CADM2: variants seen among roughly 807,000 people sequenced by gnomAD.
The protein encoded by CADM2 is immunoglobulin superfamily member 4D.
In CADM2, 12 loss-of-function variants were observed where a neutral mutation model predicts 49.8. The observed-to-expected ratio is 0.24, with a 90% CI of 0.15 to 0.39. CADM2 has a LOEUF of 0.39. Among genes scored for constraint, CADM2 ranks in the 10% least tolerant of loss-of-function variants. The pLI, the probability that CADM2 is intolerant of heterozygous loss-of-function variation, is 1.00. For synonymous variants in CADM2, 214 were observed against 175.4 expected, an observed-to-expected ratio of 1.22 and a Z score of -1.74; for missense variants, 378 against 492.3, an observed-to-expected ratio of 0.77 and a Z score of 2.20.
At chr3:85,230,430 T>G (rs1331906135) in intron 1 of CADM2, among the ~76,000 whole-genome samples, 1 of 152,220 alleles carries the variant, frequency 6.6e-6, no homozygotes, top group Non-Finnish European at 1.5e-5. Context: ...ATCTCATTGT[T>G]CCATTATAGG....
intron 1 of CADM2, among the ~76,000 whole-genome samples, chr3:85,093,070 T>A (rs2037658404): frequency 6.6e-6 from 1 of 152,202 alleles, no homozygotes. Flanking sequence ...GTTTAAAATT[T>A]GCTGCATTTA....
chr3:85,010,257 A>G (rs2033927502), intron 1 of CADM2, among the ~76,000 whole-genome samples: 1 of 152,212 alleles, frequency 6.6e-6, no homozygotes, highest in Non-Finnish European at 1.5e-5. Flanking sequence ...TTGAAAAAGA[A>G]CATAAATTAC....
intron 1 of CADM2, among the ~76,000 whole-genome samples, chr3:85,678,756 T>C (rs1354911677): frequency 6.6e-6 from 1 of 152,208 alleles, no homozygotes; most frequent in Non-Finnish European, 1.5e-5. Context: ...TCAGTTTATT[T>C]ATTCAATTAT....
rs2063794857 is a variant in CADM2 at position 85,616,127 on chromosome 3, C to G, written c.62-110395C>G. ...GTCGGGCATTTATTACTGAATTAAT[C>G]CTCATTTTAAAAAAATGAAAAAATG... On this transcript the variant is annotated intron_variant, in intron 1 of 9. Transcript: ENST00000383699. 3.3e-5 allele frequency among the ~76,000 whole-genome samples: 5 copies of G among 151,652 alleles called. No individual in the cohort carries two copies. In the Admixed American group the frequency reaches 3.3e-4, roughly 10 times the overall value.
chr3:85,107,695 T>TTCTC, intron 1 of CADM2, among the ~76,000 whole-genome samples: 1 of 141,510 alleles, frequency 7.1e-6, no homozygotes, highest in South Asian at 2.3e-4. Flanking sequence ...CTTTCTTTCT[T>TTCTC]TCTCTTTCTT....
intron 8 of CADM2, among the ~76,000 whole-genome samples, chr3:86,050,929 T>G (rs1737262993): frequency 6.6e-6 from 1 of 152,212 alleles, no homozygotes; most frequent in Non-Finnish European, 1.5e-5. Flanking sequence ...CGTATTGTCT[T>G]GGGTTTTCCA....
At chr3:85,931,894 T>A (rs930285450) in intron 6 of CADM2, among the ~76,000 whole-genome samples, 100 of 151,310 alleles carry the variant, frequency 6.6e-4, no homozygotes, top group African/African-American at 2.4e-3. Flanking sequence ...TATTTTAAAT[T>A]TTTATTTTAA....
intron 1 of CADM2, among the ~76,000 whole-genome samples, chr3:85,570,633 A>G (rs12639564): frequency 0.53 from 81,292 of 151,992 alleles, 24,851 homozygotes; most frequent in East Asian, 0.93. Context: ...ACTTAAATTG[A>G]AGTATTGAAA....
At chr3:85,224,467 AT>A (rs1423473124) in intron 1 of CADM2, among the ~76,000 whole-genome samples, 2 of 151,964 alleles carry the variant, frequency 1.3e-5, no homozygotes, top group Non-Finnish European at 2.9e-5. Context: ...TTCCTTGTAA[AT>A]TTGTTTAAGT....
At chr3:85,484,166 T>A (rs1007867654) in intron 1 of CADM2, among the ~76,000 whole-genome samples, 17 of 151,850 alleles carry the variant, frequency 1.1e-4, no homozygotes, top group Non-Finnish European at 2.2e-4. Flanking sequence ...GCTACAAACT[T>A]TTTTCCAGGA....
intron 2 of CADM2, among the ~76,000 whole-genome samples, chr3:85,754,792 T>A (rs897113577): frequency 3.9e-5 from 6 of 152,220 alleles, no homozygotes; most frequent in East Asian, 1.9e-4. Flanking sequence ...TCAATTTTTT[T>A]AAAAAGAAAC....
chr3:85,914,869 G>C (rs965377385), intron 6 of CADM2, among the ~76,000 whole-genome samples: 1 of 152,130 alleles, frequency 6.6e-6, no homozygotes, highest in African/African-American at 2.4e-5. Context: ...GGGTGTATGA[G>C]TAACTTTAGC....
chr3:85,652,772 C>CTTTTCTTT (rs1553655456), intron 1 of CADM2, among the ~76,000 whole-genome samples: 2 of 50,782 alleles, frequency 3.9e-5, no homozygotes, highest in African/African-American at 1.6e-4. Flanking sequence ...TTTTTCTTTT[C>CTTTTCTTT]TTTTTTTTTT....
intron 2 of CADM2, among the ~76,000 whole-genome samples, chr3:85,789,906 A>G (rs2071225847): frequency 6.6e-6 from 1 of 152,198 alleles, no homozygotes; most frequent in Non-Finnish European, 1.5e-5. Context: ...CTTTGTACAC[A>G]TACAAGTCAA....
At chr3:85,171,772 AACTT>A (rs1243856866) in intron 1 of CADM2, among the ~76,000 whole-genome samples, 1 of 152,212 alleles carries the variant, frequency 6.6e-6, no homozygotes, top group Admixed American at 6.5e-5. Flanking sequence ...AAATATGAAT[AACTT>A]ACCTAATCAA....
At chr3:85,419,664 G>A (rs976339595) in intron 1 of CADM2, among the ~76,000 whole-genome samples, 1 of 152,068 alleles carries the variant, frequency 6.6e-6, no homozygotes, top group African/African-American at 2.4e-5. Context: ...ATCATATTAG[G>A]ACAGTTGCCA....
At position 84,961,624 on chromosome 3, in the gene CADM2, A is replaced by ATG. The variant is rs919725759; in HGVS notation, c.61+1969_61+1970dup. Among the ~76,000 whole-genome samples the ATG allele has an allele frequency of 9.3e-5, 14 of 151,094 alleles. No individual in the cohort carries two copies. The East Asian group carries it at 2.2e-3, about 23-fold the overall frequency. On this transcript the variant is annotated intron_variant, in intron 1 of 9. Transcript: ENST00000383699. ...TCTCAGCTCTGCTGTGTGTGTGTGT[A>ATG]TGTGTGTGTGTGTGCGCGCGCGCGC...
At chr3:86,040,381 T>C (rs545313980) in intron 8 of CADM2, among the ~76,000 whole-genome samples, 23 of 151,940 alleles carry the variant, frequency 1.5e-4, no homozygotes, top group Non-Finnish European at 3.4e-4. Flanking sequence ...TGCAGAGAAG[T>C]CCTTAAAGGA....
intron 3 of CADM2, among the ~76,000 whole-genome samples, chr3:85,881,627 G>C (rs1370160143): frequency 3.9e-5 from 6 of 152,098 alleles, no homozygotes; most frequent in African/African-American, 1.2e-4. Context: ...ATTTGGACAG[G>C]TTGATTTGTC....
Sources: gnomAD v4.1 joint callset for allele counts (sites outside exome capture counted in the v4.1 genomes callset) on GRCh38, gnomAD v4.1.1 for gene constraint, MANE v1.5 for transcripts, NCBI Gene and HGNC (gene_info 2026-07-23, HGNC 2026-07-21) for gene names.